TLN1: variants seen among roughly 807,000 people sequenced by gnomAD.
TLN1 encodes the protein talin-1.
In TLN1, 56 loss-of-function variants were observed where a neutral mutation model predicts 292.3. The observed-to-expected ratio is 0.19, with a 90% CI of 0.15 to 0.24. The LOEUF (loss-of-function observed/expected upper bound fraction) is 0.24, where lower values mean the gene tolerates loss of function less well. Among genes scored for constraint, TLN1 ranks in the 10% least tolerant of loss-of-function variants. The pLI, the probability that TLN1 is intolerant of heterozygous loss-of-function variation, is 1.00. For missense variants in TLN1, 2,433 were observed against 3,248.2 expected, an observed-to-expected ratio of 0.75 and a Z score of 6.10; for synonymous variants, 1,119 against 1,253.7, an observed-to-expected ratio of 0.89 and a Z score of 2.27.
intron 25 of TLN1, 86 bp from the exon 26 acceptor site, chr9:35,713,384 A>G (rs1333718806): frequency 9.2e-7 from 1 of 1,084,674 alleles, no homozygotes; most frequent in Non-Finnish European, 1.3e-6. Flanking sequence ...ACAGGTGGCA[A>G]TTTAAATAAA....
chr9:35,720,671 G>T, intron 11 of TLN1, 141 bp downstream of exon 11: 1 of 1,004,350 alleles, frequency 1.0e-6, no homozygotes, highest in Non-Finnish European at 1.5e-6. Flanking sequence ...TGTCACCCAG[G>T]CTGGAGTGCA....
At position 35,713,184 on chromosome 9, in the gene TLN1, C is replaced by A; in HGVS notation, c.3352+12G>T. On this transcript the variant is annotated intron_variant, in intron 26 of 56. Coordinates refer to ENST00000314888, the MANE Select transcript of TLN1 (RefSeq NM_006289.4). ...CACAATATGCCCCATGCCTGGCTCT[C>A]TGCCCACATACCTGCATAATTCTCA... 1 of 1,586,680 alleles carries A rather than the reference C, an allele frequency of 6.3e-7. No individual in the cohort carries two copies. The highest frequency in any genetic ancestry group is 2.3e-5 in the East Asian group (1 of 44,020).
rs532257634 is a variant in TLN1, at chr9:35,703,179, C to T, written c.6474+381G>A. 2.7e-4 allele frequency among the ~76,000 whole-genome samples: 41 copies of T among 152,242 alleles called. No individual in the cohort carries two copies. In the South Asian group the frequency reaches 8.3e-3, roughly 31 times the overall value. ...AGCCAGCATGGTATGCACCTGTATT[C>T]CCAGTGACTCAGGAGGCTGAGGCAT... On this transcript the variant is annotated intron_variant, in intron 48 of 56. Coordinates refer to ENST00000314888, the MANE Select transcript of TLN1 (RefSeq NM_006289.4).
intron 33 of TLN1, 24 bp from the exon 34 acceptor site, chr9:35,708,508 G>A: frequency 1.3e-6 from 2 of 1,533,628 alleles, no homozygotes; most frequent in East Asian, 2.4e-5. Context: ...AGGGGGTGGG[G>A]GTGAGGAATA....
chr9:35,727,841 G>A (rs967209968), intron 1 of TLN1, among the ~76,000 whole-genome samples: 2 of 152,154 alleles, frequency 1.3e-5, no homozygotes, highest in African/African-American at 4.8e-5. Flanking sequence ...CCCCGATAAG[G>A]GAGCTGAGTC....
chr9:35,723,507 A>T, intron 7 of TLN1: 1 of 209,162 alleles, frequency 4.8e-6, no homozygotes, highest in Non-Finnish European at 9.7e-6. Context: ...CTAGAGCACC[A>T]TTTCAGGGAA....
chr9:35,725,468 T>A, intron 2 of TLN1, 97 bp downstream of exon 2: 1 of 1,561,270 alleles, frequency 6.4e-7, no homozygotes, highest in Non-Finnish European at 8.7e-7. Flanking sequence ...GGGTGAGTAG[T>A]CTTAGGGGAC....
At chr9:35,720,549 A>G in intron 11 of TLN1, 40 bp from the exon 12 acceptor site, 1 of 1,597,854 alleles carries the variant, frequency 6.3e-7, no homozygotes, top group Non-Finnish European at 8.6e-7. Context: ...GGATAGTTAA[A>G]GAAGAGGGAA....
Position 35,719,150 on chromosome 9 carries a change from G to A in TLN1, c.1820C>T (p.Pro607Leu). Residue 607 changes from proline (P) to leucine (L), a missense_variant, in exon 16 of 57, where the codon CCC (proline) becomes CTC (leucine). Physicochemically the swap from Pro to Leu is moderately conservative, Grantham distance 98. This residue lies in a region of TLN1 where 617 missense variants were observed against 770.6 expected (regional missense o/e 0.80). Transcript: ENST00000314888. This position sits in a 1 kb window ranked among gnomAD's most constrained non-coding sequence, Gnocchi z 4.6. Reference sequence around the variant, plus strand: ...AAGGCCCTTTGCTGCCTGCAACAGGGGCCGACCACTGCCGCCTTCGTCCTC... The same window carrying A: ...AAGGCCCTTTGCTGCCTGCAACAGGAGCCGACCACTGCCGCCTTCGTCCTC... ...LLEDEGGSGR[P>L]LLQAAKGLAG... 2 of 1,614,164 alleles carry A rather than the reference G, an allele frequency of 1.2e-6. No individual in the cohort carries two copies. Among genetic ancestry groups the A allele is most frequent in the East Asian group, 2.2e-5 (1 of 44,884 alleles).
chr9:35,714,802 C>T lies in TLN1; in HGVS notation c.2829G>A (p.Lys943=), dbSNP rs1166095452. ...GCAGGGGCTGGGGGCCGGCAGAGGCCTTGGGGGTAGAGGCTGCGTGCTGAG... is the reference window on the plus strand; with the variant it reads ...GCAGGGGCTGGGGGCCGGCAGAGGCTTTGGGGGTAGAGGCTGCGTGCTGAG... ...AAAQHAASTP[K]ASAGPQPLLV... Residue 943 remains lysine, a synonymous_variant, in exon 22 of 57, where the codon AAG becomes AAA. Transcript: ENST00000314888. The surrounding 1 kb of genome is among the most constrained non-coding windows in gnomAD (Gnocchi z 4.6). The T allele has an allele frequency of 2.5e-6, 4 of 1,581,668 alleles. No homozygotes were observed. Among genetic ancestry groups the T allele is most frequent in the Non-Finnish European group, 1.7e-6 (2 of 1,163,808 alleles).
At position 35,706,264 on chromosome 9, in the gene TLN1, T is replaced by G. The variant is rs1419908136; in HGVS notation, c.5293A>C (p.Thr1765Pro). 1 of 1,613,652 alleles carries G rather than the reference T, an allele frequency of 6.2e-7. No individual in the cohort carries two copies. Among genetic ancestry groups the G allele is most frequent in the Non-Finnish European group, 8.5e-7 (1 of 1,179,784 alleles). The change falls in exon 40 of 57, where the codon ACT becomes CCT. Residue 1765 changes from threonine (T) to proline (P), a missense_variant. Around this residue, in one of 7 missense-constraint regions of TLN1, gnomAD observed 1,384 missense variants for 1,699.6 expected, o/e 0.81. Transcript: ENST00000314888. The surrounding 1 kb of genome is among the most constrained non-coding windows in gnomAD (Gnocchi z 4.2). ...AGGGCAGACTCTGCCAATGTTTTAG[T>G]CTGGTCCAGGAGTGCCATCTGCTGC... ...HPQQMALLDQ[T>P]KTLAESALQL...
chr9:35,719,488 TCA>T lies in TLN1; in HGVS notation c.1687+29_1687+30del. ...TGCACACTTGCACCCCCTCTCCCCA[TCA>T]CACACCCGGAAGCTAGCATCCGGCC... On this transcript the variant is annotated intron_variant, in intron 15 of 56. Transcript: ENST00000314888. The surrounding 1 kb of genome is among the most constrained non-coding windows in gnomAD (Gnocchi z 4.6). 6.3e-7 allele frequency: 1 copy of T among 1,589,980 alleles called. No individual in the cohort carries two copies. The highest frequency in any genetic ancestry group is 8.6e-7 in the Non-Finnish European group (1 of 1,158,762).
chr9:35,701,597 AT>A (rs779232466), intron 48 of TLN1, among the ~76,000 whole-genome samples: 5 of 152,326 alleles, frequency 3.3e-5, no homozygotes, highest in African/African-American at 4.8e-5. Flanking sequence ...TAAAAACATA[AT>A]TTTAGCTACT....
In TLN1 at chr9:35,698,218, C is replaced by T; in HGVS notation, c.7372-46G>A. The T allele has an allele frequency of 6.2e-7, 1 of 1,611,192 alleles. No individual in the cohort carries two copies. Among genetic ancestry groups the T allele is most frequent in the Non-Finnish European group, 8.5e-7 (1 of 1,177,988 alleles). ...CTAGGTTGAGAACTCAGGTACGGTC[C>T]CAGTTGAGACAGTACCTCAATTCTC... On this transcript the variant is annotated intron_variant, in intron 55 of 56. Coordinates refer to ENST00000314888, the MANE Select transcript of TLN1 (RefSeq NM_006289.4). This position sits in a 1 kb window ranked among gnomAD's most constrained non-coding sequence, Gnocchi z 5.3.
chr9:35,726,740 T>C (rs1264977663), intron 1 of TLN1, among the ~76,000 whole-genome samples: 1 of 152,194 alleles, frequency 6.6e-6, no homozygotes, highest in Non-Finnish European at 1.5e-5. Context: ...GCTAGAAATG[T>C]GATTCTCTAA....
In TLN1 at chr9:35,720,450, G is replaced by T; in HGVS notation, c.1266C>A (p.Asp422Glu). The T allele has an allele frequency of 6.2e-7, 1 of 1,614,084 alleles. No homozygotes were observed. The highest frequency in any genetic ancestry group is 2.2e-5 in the East Asian group (1 of 44,876). The change falls in exon 12 of 57, where the codon GAC becomes GAA. Residue 422 changes from aspartate (D) to glutamate (E), a missense_variant. By Grantham distance (45) the Asp-to-Glu change is conservative (BLOSUM62 2). Around this residue, in one of 7 missense-constraint regions of TLN1, gnomAD observed 617 missense variants for 770.6 expected, o/e 0.80. Coordinates refer to ENST00000314888, the MANE Select transcript of TLN1 (RefSeq NM_006289.4). ...EGDEESTMLEDSVSPKKSTVL... is the reference protein window; with the variant it reads ...EGDEESTMLEESVSPKKSTVL... The stretch of plus-strand genomic sequence containing the variant: ...CTTCGTACTTTTTGGGGGACACTGA[G>T]TCCTCCAGCATAGTAGACTCCTCAT...
chr9:35,725,735 A>G lies in TLN1; in HGVS notation c.-33-8T>C, dbSNP rs1471613003. On this transcript the variant is annotated splice_polypyrimidine_tract_variant and splice_region_variant and intron_variant, in intron 1 of 56. Transcript: ENST00000314888. ...TCTCCAGCCTGGCTATACCTGACCCATGGCATCAGGGCATTAGAATACACT... is the reference window on the plus strand; with the variant it reads ...TCTCCAGCCTGGCTATACCTGACCCGTGGCATCAGGGCATTAGAATACACT... 8 of 1,608,636 alleles carry G rather than the reference A, an allele frequency of 5.0e-6. No homozygotes were observed. Among genetic ancestry groups the G allele is most frequent in the Non-Finnish European group, 6.8e-6 (8 of 1,177,352 alleles).
At chr9:35,701,914 A>T (rs767918733) in intron 48 of TLN1, among the ~76,000 whole-genome samples, 1 of 152,252 alleles carries the variant, frequency 6.6e-6, no homozygotes, top group Non-Finnish European at 1.5e-5. Context: ...CAGAAAGTCA[A>T]GAGTTCCAAC....
chr9:35,697,830 C>G lies in TLN1; in HGVS notation c.7587G>C (p.Gln2529His). The G allele has an allele frequency of 6.2e-7, 1 of 1,614,146 alleles. No individual in the cohort carries two copies. The highest frequency in any genetic ancestry group is 8.5e-7 in the Non-Finnish European group (1 of 1,180,028). The change falls in exon 57 of 57, where the codon CAG becomes CAC. Residue 2529 changes from glutamine (Q) to histidine (H), a missense_variant. Physicochemically the swap from Gln to His is conservative, Grantham distance 24. Around this residue, in one of 7 missense-constraint regions of TLN1, gnomAD observed 141 missense variants for 248.5 expected, o/e 0.57. Transcript: ENST00000314888. ...GAAGCTCTGAAGGCAGAAACTTGTACTGCTGCTGCCGGATCTGGGCCAGTT... is the reference window on the plus strand; with the variant it reads ...GAAGCTCTGAAGGCAGAAACTTGTAGTGCTGCTGCCGGATCTGGGCCAGTT... ...RKKLAQIRQQ[Q>H]YKFLPSELRD... is the part of the protein sequence containing the mutation.
Sources: allele counts gnomAD v4.1 joint callset (sites outside exome capture counted in the v4.1 genomes callset), GRCh38; gene constraint gnomAD v4.1.1; regional missense constraint gnomAD v4.1.1; non-coding constraint Gnocchi (gnomAD v3.1); transcripts MANE v1.5; gene names NCBI Gene and HGNC (gene_info 2026-07-23, HGNC 2026-07-21).